The following PCDHA13 variants were observed in gnomAD, a reference collection of about 807,000 sequenced individuals.
The protein encoded by PCDHA13 is protocadherin alpha-13.
Under a neutral mutation model 64.8 loss-of-function variants are expected in PCDHA13, and 54 were observed. The ratio of observed to expected loss-of-function variants is 0.83; its 90% CI spans 0.67 to 1.04. The LOEUF (loss-of-function observed/expected upper bound fraction) is 1.04, where lower values mean the gene tolerates loss of function less well. PCDHA13 is among the 50% of genes least tolerant of loss of function. The pLI is 0.00. For synonymous variants in PCDHA13, 587 were observed against 564.4 expected, an observed-to-expected ratio of 1.04 and a Z score of -0.57; for missense variants, 1,248 against 1,254.3, an observed-to-expected ratio of 0.99 and a Z score of 0.08.
At chr5:140,957,134 T>C (rs2095335911) in intron 1 of PCDHA13, among the ~76,000 whole-genome samples, 1 of 152,210 alleles carries the variant, frequency 6.6e-6, no homozygotes, top group Admixed American at 6.5e-5. Flanking sequence ...TACTACACTA[T>C]GAACTAAAAA....
At chr5:140,965,639 C>G (rs781995485) in intron 1 of PCDHA13, among the ~76,000 whole-genome samples, 1 of 152,000 alleles carries the variant, frequency 6.6e-6, no homozygotes, top group Non-Finnish European at 1.5e-5. Flanking sequence ...TTTTAAATTA[C>G]TCTTGAAAGA....
At chr5:140,984,680 AT>A (rs1180119303) in intron 3 of PCDHA13, among the ~76,000 whole-genome samples, 1 of 152,158 alleles carries the variant, frequency 6.6e-6, no homozygotes, top group East Asian at 1.9e-4. Context: ...TTAGGACTCA[AT>A]ATATGTTCTG....
chr5:140,941,304 CTTTT>C (rs2093021953), intron 1 of PCDHA13, among the ~76,000 whole-genome samples: 1 of 84,848 alleles, frequency 1.2e-5, no homozygotes, highest in African/African-American at 4.2e-5. Context: ...TTCTTTCTTT[CTTTT>C]TCTTCTTTCT....
In PCDHA13 at chr5:140,883,730, G is replaced by A. The variant is rs140457638; in HGVS notation, c.1462G>A (p.Ala488Thr). Residue 488 changes from alanine (A) to threonine (T), a missense_variant, in exon 1 of 4, where the codon GCG (alanine) becomes ACG (threonine). By Grantham distance (58) the Ala-to-Thr change is moderately conservative. Transcript: ENST00000289272. Reference protein sequence around the residue: ...SAQDADAQENALVSYSLVERR... With the variant: ...SAQDADAQENTLVSYSLVERR... ...TCAGGACGCGGACGCACAGGAGAAC[G>A]CGCTGGTCTCCTACTCGCTGGTGGA... The A allele has an allele frequency of 3.7e-6, 6 of 1,613,412 alleles. No individual in the cohort carries two copies. In the African/African-American group the frequency reaches 6.7e-5, roughly 18 times the overall value.
chr5:140,983,059 C>G (rs1325414567), intron 3 of PCDHA13, among the ~76,000 whole-genome samples: 1 of 151,980 alleles, frequency 6.6e-6, no homozygotes, highest in African/African-American at 2.4e-5. Flanking sequence ...TTATCGGAAC[C>G]AAGGCATTGT....
At chr5:140,926,703 C>A in intron 1 of PCDHA13, 2 of 835,416 alleles carry the variant, frequency 2.4e-6, no homozygotes, top group Non-Finnish European at 3.4e-6. Context: ...CGGCTCCCAG[C>A]TGGCCAGCCC....
chr5:140,981,504 G>A (rs1435264364), intron 2 of PCDHA13, among the ~76,000 whole-genome samples: 1 of 152,182 alleles, frequency 6.6e-6, no homozygotes, highest in African/African-American at 2.4e-5. Flanking sequence ...AACCTGGGAG[G>A]CAGAGGTTGC....
chr5:140,967,367 C>A (rs1390450808), intron 1 of PCDHA13: 1 of 1,607,250 alleles, frequency 6.2e-7, no homozygotes, highest in Non-Finnish European at 8.5e-7. Flanking sequence ...TAAGCCCCTG[C>A]AGGAGAACAG....
intron 1 of PCDHA13, chr5:140,927,490 C>T: frequency 3.1e-6 from 5 of 1,614,132 alleles, no homozygotes; most frequent in Non-Finnish European, 4.2e-6. Context: ...CGCCACCCAC[C>T]TGCTGGTGCT....
intron 1 of PCDHA13, among the ~76,000 whole-genome samples, chr5:140,952,839 T>G (rs1270756530): frequency 6.6e-6 from 1 of 152,210 alleles, no homozygotes; most frequent in Non-Finnish European, 1.5e-5. Context: ...GCTGGCCATC[T>G]GCTTGTCTTC....
intron 1 of PCDHA13, among the ~76,000 whole-genome samples, chr5:140,902,482 C>T (rs1554190466): frequency 1.3e-5 from 2 of 152,086 alleles, no homozygotes; most frequent in Non-Finnish European, 2.9e-5. Context: ...TTTGCCTGCT[C>T]AGTATGATAC....
intron 1 of PCDHA13, among the ~76,000 whole-genome samples, chr5:140,946,108 T>C (rs782062288): frequency 2.0e-5 from 3 of 151,938 alleles, no homozygotes; most frequent in Non-Finnish European, 4.4e-5. Context: ...ATACCAAATA[T>C]ATAAGGAACT....
At chr5:140,934,129 T>G (rs150501213) in intron 1 of PCDHA13, among the ~76,000 whole-genome samples, 326 of 152,294 alleles carry the variant, frequency 2.1e-3, no homozygotes, top group African/African-American at 7.4e-3. Context: ...CTTTATTAAT[T>G]TATTTCCTTC....
At chr5:140,924,901 A>AATAAAATAAAAT (rs145282866) in intron 1 of PCDHA13, among the ~76,000 whole-genome samples, 7 of 80,504 alleles carry the variant, frequency 8.7e-5, no homozygotes, top group Middle Eastern at 6.1e-3. Context: ...TCTCAAAAAA[A>AATAAAATAAAAT]AAAATAAAAT....
intron 3 of PCDHA13, among the ~76,000 whole-genome samples, chr5:140,992,017 CTG>C (rs10602499): frequency 0.14 from 19,772 of 145,244 alleles, 1,405 homozygotes; most frequent in African/African-American, 0.18. Flanking sequence ...AGAGGTGGCT[CTG>C]TGTGTGTGTG....
intron 1 of PCDHA13, chr5:140,967,958 C>A (rs202159883): frequency 6.2e-7 from 1 of 1,614,182 alleles, no homozygotes; most frequent in Non-Finnish European, 8.5e-7. Context: ...AGGCCCCAAC[C>A]GGAAAGTGAG....
intron 3 of PCDHA13, among the ~76,000 whole-genome samples, chr5:141,000,361 G>GTCTCTCTCTC (rs148596731): frequency 1.1e-4 from 3 of 26,446 alleles, no homozygotes; most frequent in East Asian, 1.6e-3. Context: ...GTCTCTCTCT[G>GTCTCTCTCTC]TCTCTCTCTC....
chr5:140,989,653 T>A (rs1308581336), intron 3 of PCDHA13, among the ~76,000 whole-genome samples: 2 of 152,194 alleles, frequency 1.3e-5, no homozygotes, highest in African/African-American at 4.8e-5. Context: ...ATGGCAATAT[T>A]TTAAAAGAAA....
At chr5:140,926,296 G>A in intron 1 of PCDHA13, 1 of 152,316 alleles carries the variant, frequency 6.6e-6, no homozygotes, top group Non-Finnish European at 1.5e-5. Context: ...GCTGAGTCCC[G>A]CCCTCTCCGC....
Sources: gnomAD v4.1 joint callset for allele counts (sites outside exome capture counted in the v4.1 genomes callset) on GRCh38, gnomAD v4.1.1 for gene constraint, MANE v1.5 for transcripts, NCBI Gene and HGNC (gene_info 2026-07-23, HGNC 2026-07-21) for gene names.